UGGT2: variants seen among roughly 807,000 people sequenced by gnomAD.
The protein encoded by UGGT2 is UDP-glucose:glycoprotein glucosyltransferase 2.
UGGT2 carries 180 observed loss-of-function variants against 192.1 expected under a neutral mutation model. The ratio of observed to expected loss-of-function variants is 0.94; its 90% confidence interval spans 0.83 to 1.06. The LOEUF is 1.06. Ranked by LOEUF, UGGT2 falls within the 50% of genes least tolerant of loss-of-function variation. UGGT2 has a pLI of 0.00. For missense variants in UGGT2, 1,849 were observed against 1,795.7 expected (o/e 1.03, Z -0.54); for synonymous variants, 580 against 591.0 (o/e 0.98, Z 0.27).
intron 37 of UGGT2, 81 bp downstream of exon 37, chr13:95,837,005 C>T (rs539291906): frequency 1.8e-6 from 2 of 1,092,280 alleles, no homozygotes; most frequent in Admixed American, 1.8e-5. Context: ...TATGCCACTC[C>T]CTTTGTAAAA....
At chr13:96,019,070 T>C (rs947959457) in intron 4 of UGGT2, among the ~76,000 whole-genome samples, 15 of 122,144 alleles carry the variant, frequency 1.2e-4, no homozygotes, top group African/African-American at 4.4e-4. Flanking sequence ...CAAGAGTATA[T>C]GCCTGAAGTT....
At position 95,856,353 on chromosome 13, in the gene UGGT2, A is replaced by T. The variant is rs370373684; in HGVS notation, c.3826-13T>A. On this transcript the variant is annotated splice_polypyrimidine_tract_variant and intron_variant, in intron 33 of 38. Coordinates refer to ENST00000376747, the MANE Select transcript of UGGT2 (RefSeq NM_020121.4). ...GAGGAATTACTTCCTAAAAACACAC[A>T]CACAAAATCAAACAATATGTTCAAG... The T allele has an allele frequency of 1.3e-6, 2 of 1,594,814 alleles. No individual in the cohort carries two copies. Among genetic ancestry groups the T allele is most frequent in the African/African-American group, 2.7e-5 (2 of 73,660 alleles).
chr13:95,982,168 C>A (rs901582371), intron 10 of UGGT2, among the ~76,000 whole-genome samples: 1 of 152,148 alleles, frequency 6.6e-6, no homozygotes, highest in Non-Finnish European at 1.5e-5. Flanking sequence ...CAGCATGGTT[C>A]TGATATAGCA....
At chr13:95,907,597 C>CT (rs1350078286) in intron 20 of UGGT2, among the ~76,000 whole-genome samples, 1 of 152,094 alleles carries the variant, frequency 6.6e-6, no homozygotes, top group Non-Finnish European at 1.5e-5. Flanking sequence ...CTGGTGATAC[C>CT]CAGGCAAAAA....
intron 12 of UGGT2, among the ~76,000 whole-genome samples, chr13:95,962,663 AGAG>A (rs2050436309): frequency 6.6e-6 from 1 of 152,214 alleles, no homozygotes; most frequent in African/African-American, 2.4e-5. Context: ...AAAAAAATGA[AGAG>A]GAGAGAATTC....
chr13:95,839,701 T>A (rs1236404300), intron 36 of UGGT2, among the ~76,000 whole-genome samples: 1 of 152,204 alleles, frequency 6.6e-6, no homozygotes. Context: ...AACATTTTCA[T>A]GACCTGTCAA....
At chr13:96,030,636 C>T (rs1376240503) in intron 2 of UGGT2, among the ~76,000 whole-genome samples, 1 of 152,176 alleles carries the variant, frequency 6.6e-6, no homozygotes, top group Non-Finnish European at 1.5e-5. Flanking sequence ...CATTTACACT[C>T]AGGAACAAAA....
intron 15 of UGGT2, among the ~76,000 whole-genome samples, chr13:95,943,986 A>T (rs1293586014): frequency 6.6e-6 from 1 of 151,984 alleles, no homozygotes; most frequent in Non-Finnish European, 1.5e-5. Flanking sequence ...AAAAGCTTTG[A>T]ATTTTTTCAA....
intron 1 of UGGT2, among the ~76,000 whole-genome samples, chr13:96,037,977 G>C (rs2053054613): frequency 6.6e-6 from 1 of 152,192 alleles, no homozygotes; most frequent in African/African-American, 2.4e-5. Context: ...CTGAAAGAGA[G>C]GATCAGTAGA....
intron 10 of UGGT2, among the ~76,000 whole-genome samples, chr13:95,977,386 CGAA>C (rs2050972566): frequency 6.6e-6 from 1 of 152,008 alleles, no homozygotes; most frequent in African/African-American, 2.4e-5. Context: ...AGAAAGTGGG[CGAA>C]GGATATGAAC....
chr13:95,915,670 C>A (rs1476200433), intron 20 of UGGT2, among the ~76,000 whole-genome samples: 1 of 152,230 alleles, frequency 6.6e-6, no homozygotes, highest in Non-Finnish European at 1.5e-5. Context: ...AGGGTGGCCA[C>A]CATCTCTGCA....
chr13:95,933,512 G>C (rs2049357540), intron 17 of UGGT2, among the ~76,000 whole-genome samples: 1 of 151,932 alleles, frequency 6.6e-6, no homozygotes. Context: ...CTAACTTTTG[G>C]TTTCACTGAT....
chr13:95,830,204 G>C lies in UGGT2; in HGVS notation c.4528+2723C>G, dbSNP rs1003404644. 6.7e-4 allele frequency among the ~76,000 whole-genome samples: 102 copies of C among 152,132 alleles called. 1 individual carries two copies. Among genetic ancestry groups the C allele is most frequent in the African/African-American group, 2.4e-3 (99 of 41,542 alleles). On this transcript the variant is annotated intron_variant, in intron 38 of 38. Transcript: ENST00000376747. ...AGAAGAAAACCTAGGCAATACCATT[G>C]AGGACACAGGCATGGGCAAGGACTT...
intron 21 of UGGT2, among the ~76,000 whole-genome samples, chr13:95,901,139 A>G (rs1319453131): frequency 1.3e-5 from 2 of 152,138 alleles, no homozygotes; most frequent in Non-Finnish European, 2.9e-5. Context: ...AAATCTTGTT[A>G]CAAGTTGATA....
intron 1 of UGGT2, among the ~76,000 whole-genome samples, chr13:96,049,908 G>A (rs1370307985): frequency 6.6e-6 from 1 of 152,114 alleles, no homozygotes. Flanking sequence ...TACTGCCCAA[G>A]GTAATTTATA....
chr13:95,851,677 G>T (rs996865122), intron 36 of UGGT2, among the ~76,000 whole-genome samples: 3 of 152,138 alleles, frequency 2.0e-5, no homozygotes, highest in Admixed American at 6.6e-5. Flanking sequence ...TAAGAAAAAA[G>T]ATATTTTGAT....
chr13:96,037,161 A>T (rs1283580589), intron 1 of UGGT2, among the ~76,000 whole-genome samples: 1 of 152,172 alleles, frequency 6.6e-6, no homozygotes, highest in African/African-American at 2.4e-5. Flanking sequence ...GTTCAGATGT[A>T]CAAATTAAGG....
intron 4 of UGGT2, among the ~76,000 whole-genome samples, chr13:96,014,855 A>C (rs1311874894): frequency 1.3e-5 from 2 of 152,200 alleles, no homozygotes; most frequent in African/African-American, 4.8e-5. Flanking sequence ...TAGCAGCTGG[A>C]TTATCATTTT....
intron 17 of UGGT2, 115 bp downstream of exon 17, chr13:95,936,808 GA>G: frequency 9.8e-7 from 1 of 1,021,674 alleles, no homozygotes; most frequent in Non-Finnish European, 1.4e-6. Flanking sequence ...AAATCACTAT[GA>G]AATGATCAGA....
Sources: allele counts gnomAD v4.1 joint callset (sites outside exome capture counted in the v4.1 genomes callset), GRCh38; gene constraint gnomAD v4.1.1; transcripts MANE v1.5; gene names NCBI Gene and HGNC (gene_info 2026-07-23, HGNC 2026-07-21).